Variants in AMZ1 observed in about 807,000 individuals in gnomAD.
AMZ1 encodes the protein archaemetzincin-1.
Under a neutral mutation model 29.9 loss-of-function variants are expected in AMZ1, and 39 were observed. The ratio of observed to expected loss-of-function variants is 1.30; its 90% CI spans 1.01 to 1.70. The LOEUF is 1.70. AMZ1 is among the 40% of genes most tolerant of loss of function. AMZ1 has a pLI of 0.00. For synonymous variants in AMZ1, 458 were observed against 304.0 expected, an observed-to-expected ratio of 1.51 and a Z score of -5.27; for missense variants, 1,041 against 680.6, an observed-to-expected ratio of 1.53 and a Z score of -5.89.
At chr7:2,709,586 G>T in intron 5 of AMZ1, 54 bp from the exon 6 acceptor site, 1 of 1,572,924 alleles carries the variant, frequency 6.4e-7, no homozygotes, top group Non-Finnish European at 8.6e-7. Flanking sequence ...CTGGGGATCT[G>T]CCGGATGCAG....
intron 1 of AMZ1, among the ~76,000 whole-genome samples, chr7:2,692,253 G>C (rs1181928104): frequency 6.6e-6 from 1 of 152,036 alleles, no homozygotes; most frequent in Non-Finnish European, 1.5e-5. Flanking sequence ...AAAGAGGACC[G>C]AGCTTGGCCG....
intron 1 of AMZ1, among the ~76,000 whole-genome samples, chr7:2,690,556 G>A (rs115121725): frequency 0.014 from 2,061 of 152,208 alleles, 55 homozygotes; most frequent in African/African-American, 0.047. Flanking sequence ...ACTCCTTCCC[G>A]GGCGGCTCAG....
rs185489786 is a variant in AMZ1, at chr7:2,727,450, G to A, written n.550+17634G>A. On this transcript the variant is annotated intron_variant and non_coding_transcript_variant, in intron 4 of 4. Transcript: ENST00000489665. ...GGAGTGCAGAGTGCGATCGCAGCTC[G>A]CTGTAGCCTCAAGCTCCTGGGCTCA... Among the ~76,000 whole-genome samples the A allele has an allele frequency of 9.7e-4, 147 of 152,140 alleles. 2 individuals carry two copies. Among genetic ancestry groups the A allele is most frequent in the African/African-American group, 3.2e-3 (131 of 41,500 alleles).
intron 4 of AMZ1, among the ~76,000 whole-genome samples, chr7:2,733,218 TCTGTCTGTCTCCTTTA>T (rs1292072609): frequency 6.6e-6 from 1 of 151,910 alleles, no homozygotes; most frequent in African/African-American, 2.4e-5. Context: ...CATGAACTCC[TCTGTCTGTCTCCTTTA>T]TGGTGATCTG....
rs567275192 is a variant in AMZ1 at position 2,754,564 on chromosome 7, G to A, written n.551-10148G>A. ...TCGAAACCAACCTGGGCAACATAGT[G>A]AGACCTCATCTCTACTTTAAAAAAA... is the stretch of plus-strand genomic sequence containing the variant. On this transcript the variant is annotated intron_variant and non_coding_transcript_variant, in intron 4 of 4. Coordinates refer to the AMZ1 transcript ENST00000489665. Among the ~76,000 whole-genome samples, 23 of 149,722 alleles carry A rather than the reference G, an allele frequency of 1.5e-4. 1 individual carries two copies. In the East Asian group the frequency reaches 3.9e-3, roughly 25 times the overall value.
At chr7:2,756,690 C>T (rs970925125) in intron 4 of AMZ1, among the ~76,000 whole-genome samples, 10 of 152,210 alleles carry the variant, frequency 6.6e-5, no homozygotes, top group Non-Finnish European at 1.3e-4. Flanking sequence ...TGTCAGAATT[C>T]TAAGATGAGC....
intron 1 of AMZ1, among the ~76,000 whole-genome samples, chr7:2,681,178 C>T (rs571663850): frequency 2.0e-5 from 3 of 152,316 alleles, no homozygotes; most frequent in East Asian, 1.9e-4. Flanking sequence ...CCAAGTCAGC[C>T]TGGCTAGCGT....
chr7:2,712,966 TA>T lies in AMZ1; in HGVS notation c.*91del, dbSNP rs1297681892. The T allele has an allele frequency of 7.3e-7, 1 of 1,365,844 alleles. No homozygotes were observed. Among genetic ancestry groups the T allele is most frequent in the African/African-American group, 1.5e-5 (1 of 67,132 alleles). 84.6% of individuals were successfully genotyped at this position (1,365,844 alleles called of 1,614,324 possible). A position where few individuals can be genotyped will look rare whatever the true frequency, so the allele number is the denominator to read the frequency against. On this transcript the variant is annotated 3_prime_UTR_variant, in exon 7 of 7. Transcript: ENST00000683327. ...GAGGCCACTACTGACCTGCCAGGGA[TA>T]AAGAGGAAGGGTCTGCCTGGGTGGT...
chr7:2,709,579 G>C, intron 5 of AMZ1, 61 bp from the exon 6 acceptor site: 2 of 1,564,926 alleles, frequency 1.3e-6, no homozygotes, highest in African/African-American at 1.4e-5. Flanking sequence ...GGGCTGCCTG[G>C]GGATCTGCCG....
rs368870586 is a variant in AMZ1, at chr7:2,700,664, C to G, written c.213C>G (p.Pro71=). Reference sequence around the variant, plus strand: ...GCTTCGACTGGCTCCTGAGCCGACCCGAGGCTCCCGAGGACTTCCAGACCT... The same window carrying G: ...GCTTCGACTGGCTCCTGAGCCGACCGGAGGCTCCCGAGGACTTCCAGACCT... The part of the protein sequence containing the change: ...RTGFDWLLSR[P]EAPEDFQTFH... The change falls in exon 2 of 7, where the codon CCC becomes CCG. Residue 71 remains proline, a synonymous_variant. Transcript: ENST00000683327. 7.4e-6 allele frequency: 12 copies of G among 1,612,314 alleles called. 1 individual carries two copies. The highest frequency in any genetic ancestry group is 8.5e-6 in the Non-Finnish European group (10 of 1,180,008).
Position 2,745,386 on chromosome 7 carries a change from T to C in AMZ1, n.551-19326T>C, listed in dbSNP as rs561961056. 2.0e-4 allele frequency among the ~76,000 whole-genome samples: 30 copies of C among 152,292 alleles called. No individual in the cohort carries two copies. The South Asian group carries it at 6.0e-3, about 31-fold the overall frequency. On this transcript the variant is annotated intron_variant and non_coding_transcript_variant, in intron 4 of 4. Transcript: ENST00000489665. ...TATTCAACATTCTTAAAGAAAATAA[T>C]TTTCAACCCAGAATTTCATATCCAG...
At chr7:2,747,450 G>T (rs1484289170) in intron 4 of AMZ1, among the ~76,000 whole-genome samples, 1 of 152,110 alleles carries the variant, frequency 6.6e-6, no homozygotes, top group Admixed American at 6.5e-5. Context: ...ATGCAGAAAA[G>T]GCCTTTGACA....
In AMZ1 at chr7:2,734,713, A is replaced by C. The variant is rs983617810; in HGVS notation, n.550+24897A>C. On this transcript the variant is annotated intron_variant and non_coding_transcript_variant, in intron 4 of 4. Transcript: ENST00000489665. ...AGAACGAAGGCCTCTGGATGTTTTC[A>C]AAGTGAGTGTTTTGTTTGAGGGGAC... Among the ~76,000 whole-genome samples the C allele has an allele frequency of 2.0e-5, 3 of 152,338 alleles. No individual in the cohort carries two copies. In the East Asian group the frequency reaches 5.8e-4, roughly 29 times the overall value.
intron 4 of AMZ1, among the ~76,000 whole-genome samples, chr7:2,759,215 G>C (rs1357814689): frequency 6.6e-6 from 1 of 151,638 alleles, no homozygotes; most frequent in Non-Finnish European, 1.5e-5. Context: ...CCCCATGATG[G>C]ATCTCAAAAT....
chr7:2,726,608 G>A (rs573072192), intron 4 of AMZ1, among the ~76,000 whole-genome samples: 1 of 152,314 alleles, frequency 6.6e-6, no homozygotes, highest in African/African-American at 2.4e-5. Context: ...CAGGGCAGGT[G>A]TTTTTCTGGC....
chr7:2,721,434 G>C (rs1789416472), downstream of AMZ1, among the ~76,000 whole-genome samples: 1 of 152,146 alleles, frequency 6.6e-6, no homozygotes, highest in Admixed American at 6.5e-5. Flanking sequence ...GAAAGCAGTA[G>C]GTGGGCTGGG....
intron 1 of AMZ1, among the ~76,000 whole-genome samples, chr7:2,699,820 C>G (rs894261730): frequency 2.0e-5 from 3 of 152,020 alleles, no homozygotes; most frequent in South Asian, 2.1e-4. Context: ...GAGGAGGTCT[C>G]TCTTCCCTCC....
At chr7:2,740,225 T>A (rs1343731201) in intron 4 of AMZ1, among the ~76,000 whole-genome samples, 4 of 152,170 alleles carry the variant, frequency 2.6e-5, no homozygotes, top group Non-Finnish European at 5.9e-5. Context: ...ATTTGTATCA[T>A]CATTATAGAC....
At chr7:2,685,155 G>A (rs950794106), upstream of AMZ1, among the ~76,000 whole-genome samples, 16 of 151,798 alleles carry the variant, frequency 1.1e-4, no homozygotes, top group East Asian at 9.9e-4. Context: ...AGGTTGAGCC[G>A]CCGCGCCCGG....
Sources: gnomAD v4.1 joint callset for allele counts (sites outside exome capture counted in the v4.1 genomes callset) on GRCh38, gnomAD v4.1.1 for gene constraint, MANE v1.5 for transcripts, NCBI Gene and HGNC (gene_info 2026-07-23, HGNC 2026-07-21) for gene names.